COL15A1: variants seen among roughly 807,000 people sequenced by gnomAD.
The protein encoded by COL15A1 is collagen type XV alpha 1 chain.
In COL15A1, 111 loss-of-function variants were observed where a neutral mutation model predicts 165.9. The ratio of observed to expected loss-of-function variants is 0.67; its 90% CI spans 0.57 to 0.78. The LOEUF (loss-of-function observed/expected upper bound fraction) is 0.78. COL15A1 is among the 30% of genes least tolerant of loss of function. The probability of loss-of-function intolerance (pLI) is 0.00; values close to 1 mark genes in which losing one functional copy is unlikely to be tolerated. For synonymous variants in COL15A1, 659 were observed against 674.8 expected, an observed-to-expected ratio of 0.98 and a Z score of 0.36; for missense variants, 1,745 against 1,789.7, an observed-to-expected ratio of 0.98 and a Z score of 0.45.
At chr9:98,955,725 A>C (rs1213764315) in intron 2 of COL15A1, among the ~76,000 whole-genome samples, 1 of 152,270 alleles carries the variant, frequency 6.6e-6, no homozygotes, top group African/African-American at 2.4e-5. Flanking sequence ...CAACCATTTC[A>C]TCTCACAGAA....
chr9:99,015,664 C>A, intron 10 of COL15A1, 98 bp downstream of exon 10: 2 of 1,193,246 alleles, frequency 1.7e-6, no homozygotes, highest in Non-Finnish European at 1.2e-6. Context: ...GCACCTGTAG[C>A]TTGGTTATGA....
chr9:99,054,724 A>G, intron 32 of COL15A1, 68 bp downstream of exon 32: 1 of 1,521,970 alleles, frequency 6.6e-7, no homozygotes, highest in Non-Finnish European at 8.9e-7. Flanking sequence ...CGACTGAGAA[A>G]TGTGACCTAG....
chr9:99,021,200 T>C (rs1446858442), intron 12 of COL15A1, among the ~76,000 whole-genome samples: 1 of 152,172 alleles, frequency 6.6e-6, no homozygotes, highest in Non-Finnish European at 1.5e-5. Context: ...CTCACCTCCC[T>C]CTGGGCTGCA....
At chr9:99,050,056 A>G (rs548541118) in intron 30 of COL15A1, among the ~76,000 whole-genome samples, 161 bp downstream of exon 30, 1 of 152,354 alleles carries the variant, frequency 6.6e-6, no homozygotes, top group East Asian at 1.9e-4. Context: ...GCTTTTAGAT[A>G]ACAGGTCGTG....
intron 23 of COL15A1, 44 bp from the exon 24 acceptor site, chr9:99,042,001 T>C (rs1215349394): frequency 3.1e-6 from 4 of 1,291,556 alleles, no homozygotes; most frequent in Non-Finnish European, 4.4e-6. Flanking sequence ...TTATGCATTT[T>C]AATCTTAACG....
chr9:99,040,679 A>G (rs1839386398), intron 23 of COL15A1, 123 bp downstream of exon 23: 1 of 1,556,960 alleles, frequency 6.4e-7, no homozygotes, highest in Non-Finnish European at 8.8e-7. Context: ...CTTGTTCATT[A>G]ACTTTTTCTT....
chr9:99,061,802 G>A (rs1000375383), intron 36 of COL15A1, among the ~76,000 whole-genome samples, 169 bp from the exon 37 acceptor site: 1 of 152,146 alleles, frequency 6.6e-6, no homozygotes, highest in African/African-American at 2.4e-5. Flanking sequence ...CAAGAAGAAT[G>A]CCCTTTAGTT....
intron 11 of COL15A1, among the ~76,000 whole-genome samples, chr9:99,017,027 G>A (rs559238074): frequency 1.3e-5 from 2 of 152,336 alleles, no homozygotes; most frequent in South Asian, 4.1e-4. Flanking sequence ...GAGTTGTCTT[G>A]CATTCATTCG....
intron 2 of COL15A1, among the ~76,000 whole-genome samples, chr9:98,969,139 A>T (rs60355315): frequency 0.26 from 40,251 of 152,102 alleles, 5,541 homozygotes; most frequent in Middle Eastern, 0.37. Flanking sequence ...ATTTTGCAGA[A>T]GAGAAAACTG....
intron 9 of COL15A1, among the ~76,000 whole-genome samples, chr9:99,012,703 C>CTTTT (rs1156464062): frequency 1.2e-4 from 12 of 99,786 alleles, no homozygotes; most frequent in African/African-American, 2.1e-4. Flanking sequence ...GTTTCCCACC[C>CTTTT]TTTTTTTTTT....
intron 4 of COL15A1, 114 bp downstream of exon 4, chr9:98,987,482 C>G: frequency 1.1e-6 from 1 of 952,126 alleles, no homozygotes; most frequent in East Asian, 2.7e-5. Context: ...ATTTTGGCAA[C>G]TGCTGCCTCA....
At chr9:98,953,248 A>C (rs1837719300) in intron 2 of COL15A1, among the ~76,000 whole-genome samples, 5 of 152,220 alleles carry the variant, frequency 3.3e-5, no homozygotes, top group Admixed American at 3.3e-4. Flanking sequence ...AGGTGGTATC[A>C]GAGGTGTTGG....
rs1839117804 is a variant in COL15A1 at position 99,025,974 on chromosome 9, G to A, written c.2043+8G>A. 3.1e-6 allele frequency: 5 copies of A among 1,606,760 alleles called. No homozygotes were observed. Among genetic ancestry groups the A allele is most frequent in the African/African-American group, 1.3e-5 (1 of 74,830 alleles). On this transcript the variant is annotated splice_region_variant and intron_variant, in intron 16 of 41. Coordinates refer to ENST00000375001, the MANE Select transcript of COL15A1 (RefSeq NM_001855.5). ...GGGATGAAAGGGGAGAAGGTACGGG[G>A]AACACGGGAGGGTCCCACCACATGG...
chr9:99,043,203 A>G (rs963563323), intron 24 of COL15A1, among the ~76,000 whole-genome samples: 9 of 151,862 alleles, frequency 5.9e-5, no homozygotes, highest in African/African-American at 2.2e-4. Context: ...AGGGCCTCCA[A>G]TATCTAGTGG....
At chr9:99,018,031 A>G (rs1355017236) in intron 11 of COL15A1, among the ~76,000 whole-genome samples, 2 of 152,188 alleles carry the variant, frequency 1.3e-5, no homozygotes, top group East Asian at 1.9e-4. Context: ...CAAACATCCT[A>G]TCATTTATTT....
At position 98,965,945 on chromosome 9, in the gene COL15A1, C is replaced by T. The variant is rs151173935; in HGVS notation, c.101-19620C>T. Reference sequence around the variant, plus strand: ...TCTGGGCCCCATGTTGGTGTCTGGTCCTTTTTTTCCAGGGGACCCAATTCC... The same window carrying T: ...TCTGGGCCCCATGTTGGTGTCTGGTTCTTTTTTTCCAGGGGACCCAATTCC... On this transcript the variant is annotated intron_variant, in intron 2 of 41. Coordinates refer to ENST00000375001, the MANE Select transcript of COL15A1 (RefSeq NM_001855.5). Among the ~76,000 whole-genome samples, 17 of 152,024 alleles carry T rather than the reference C, an allele frequency of 1.1e-4. No individual in the cohort carries two copies. In the East Asian group the frequency reaches 1.2e-3, roughly 10 times the overall value.
chr9:99,019,310 C>A (rs1159217237), intron 11 of COL15A1, among the ~76,000 whole-genome samples: 1 of 152,196 alleles, frequency 6.6e-6, no homozygotes, highest in African/African-American at 2.4e-5. Context: ...TCTCCTGCCT[C>A]AGCCTGCAGA....
intron 2 of COL15A1, among the ~76,000 whole-genome samples, chr9:98,982,865 C>T (rs1838253204): frequency 6.6e-6 from 1 of 152,102 alleles, no homozygotes; most frequent in Non-Finnish European, 1.5e-5. Context: ...AACTCCTGGG[C>T]TCAAGTGATC....
chr9:99,021,355 G>T (rs1839024185), intron 12 of COL15A1, among the ~76,000 whole-genome samples: 1 of 151,624 alleles, frequency 6.6e-6, no homozygotes. Context: ...GACTTCAGAT[G>T]GAGCAGGGCT....
Sources: allele counts gnomAD v4.1 joint callset (sites outside exome capture counted in the v4.1 genomes callset), GRCh38; gene constraint gnomAD v4.1.1; transcripts MANE v1.5; gene names NCBI Gene and HGNC (gene_info 2026-07-23, HGNC 2026-07-21).